Variants in SLC35F3 observed in about 807,000 individuals in gnomAD.
The protein encoded by SLC35F3 is solute carrier family 35 member F3.
A neutral mutation model predicts 49.9 loss-of-function variants in SLC35F3; 25 were observed. The observed-to-expected ratio is 0.50, with a 90% CI of 0.37 to 0.70. SLC35F3 has a LOEUF of 0.70. Ranked by LOEUF, SLC35F3 falls within the 30% of genes least tolerant of loss-of-function variation. SLC35F3 has a pLI of 0.00. For missense variants in SLC35F3, 525 were observed against 639.8 expected, an observed-to-expected ratio of 0.82 and a Z score of 1.94; for synonymous variants, 275 against 265.4, an observed-to-expected ratio of 1.04 and a Z score of -0.35.
At chr1:234,128,421 T>C (rs1263327270) in intron 2 of SLC35F3, among the ~76,000 whole-genome samples, 1 of 152,134 alleles carries the variant, frequency 6.6e-6, no homozygotes, top group East Asian at 1.9e-4. Flanking sequence ...CTGAAGAGTC[T>C]CTGGGTTAGA....
intron 2 of SLC35F3, among the ~76,000 whole-genome samples, chr1:234,188,758 AAAC>A (rs751602594): frequency 6.6e-6 from 1 of 152,062 alleles, no homozygotes; most frequent in African/African-American, 2.4e-5. Flanking sequence ...GAACTACAAT[AAAC>A]AACAATAATA....
chr1:234,134,671 A>G (rs1903018), intron 2 of SLC35F3, among the ~76,000 whole-genome samples: 17,995 of 152,082 alleles, frequency 0.12, 2,479 homozygotes, highest in East Asian at 0.74. Flanking sequence ...CCACTCAAGA[A>G]CAAGGGGATT....
intron 4 of SLC35F3, 36 bp from the exon 5 acceptor site, chr1:234,316,566 G>T: frequency 6.3e-7 from 1 of 1,583,262 alleles, no homozygotes; most frequent in South Asian, 1.1e-5. Context: ...ACTCCGTCCC[G>T]ACTTCCCTGA....
At chr1:234,172,593 C>G (rs1666415181) in intron 2 of SLC35F3, among the ~76,000 whole-genome samples, 1 of 152,210 alleles carries the variant, frequency 6.6e-6, no homozygotes, top group South Asian at 2.1e-4. Context: ...AAACGCATCT[C>G]TAGGCGACTT....
intron 2 of SLC35F3, among the ~76,000 whole-genome samples, chr1:234,208,221 C>T (rs1471737070): frequency 6.6e-6 from 1 of 152,132 alleles, no homozygotes; most frequent in Non-Finnish European, 1.5e-5. Flanking sequence ...TCAAGGGAAT[C>T]ATAAGTATCA....
At chr1:233,942,001 T>G (rs1183240631) in intron 2 of SLC35F3, among the ~76,000 whole-genome samples, 2 of 146,588 alleles carry the variant, frequency 1.4e-5, no homozygotes, top group Non-Finnish European at 3.0e-5. Context: ...TCACTCTGTC[T>G]CCAGGCTGGA....
At chr1:233,956,805 C>T (rs995910847) in intron 2 of SLC35F3, among the ~76,000 whole-genome samples, 3 of 152,230 alleles carry the variant, frequency 2.0e-5, no homozygotes, top group Non-Finnish European at 4.4e-5. Flanking sequence ...GTGAGAATGG[C>T]GGAGGCGGGT....
intron 2 of SLC35F3, among the ~76,000 whole-genome samples, chr1:234,162,052 A>C (rs927655722): frequency 3.3e-5 from 5 of 151,830 alleles, no homozygotes. Flanking sequence ...TCTAGGGCTC[A>C]CCCCTACCTC....
chr1:234,076,222 A>G (rs1390682649), intron 2 of SLC35F3, among the ~76,000 whole-genome samples: 2 of 148,190 alleles, frequency 1.3e-5, no homozygotes, highest in Non-Finnish European at 3.0e-5. Flanking sequence ...GGTGGTACCA[A>G]TACATTTTAA....
intron 2 of SLC35F3, among the ~76,000 whole-genome samples, chr1:234,152,298 A>G (rs1339523726): frequency 2.0e-5 from 3 of 151,770 alleles, no homozygotes; most frequent in Non-Finnish European, 2.9e-5. Flanking sequence ...GGTTTGTTAC[A>G]TAGGAATACA....
intron 2 of SLC35F3, among the ~76,000 whole-genome samples, chr1:234,171,503 G>T (rs961872973): frequency 1.5e-4 from 23 of 152,128 alleles, no homozygotes; most frequent in Non-Finnish European, 2.9e-4. Context: ...GATTTACCTG[G>T]ATAATTATTC....
In SLC35F3 at chr1:234,320,739, G is replaced by A. The variant is rs952124949; in HGVS notation, c.1237+552G>A. On this transcript the variant is annotated intron_variant, in intron 7 of 7. Transcript: ENST00000366618. The surrounding 1 kb of genome is among the most constrained non-coding windows in gnomAD (Gnocchi z 4.8). The stretch of plus-strand genomic sequence containing the variant: ...GAACGCCCTTTGCCCAGGAACTCGG[G>A]ACTGCCCTTTGTTTTCCCCTGGGGA... Among the ~76,000 whole-genome samples the A allele has an allele frequency of 6.6e-6, 1 of 152,168 alleles. No individual in the cohort carries two copies. Among genetic ancestry groups the A allele is most frequent in the Non-Finnish European group, 1.5e-5 (1 of 68,030 alleles).
At chr1:234,136,816 G>C (rs1021331182) in intron 2 of SLC35F3, among the ~76,000 whole-genome samples, 12 of 152,208 alleles carry the variant, frequency 7.9e-5, no homozygotes, top group African/African-American at 2.9e-4. Flanking sequence ...CACAGCTTAG[G>C]CTCGAACAGA....
At chr1:234,048,239 A>G (rs1183172553) in intron 2 of SLC35F3, among the ~76,000 whole-genome samples, 1 of 152,220 alleles carries the variant, frequency 6.6e-6, no homozygotes, top group African/African-American at 2.4e-5. Flanking sequence ...AAGCAAAAGG[A>G]AACCAGAACT....
intron 2 of SLC35F3, among the ~76,000 whole-genome samples, chr1:234,039,544 G>A (rs1870341): frequency 0.14 from 21,301 of 152,172 alleles, 4,266 homozygotes; most frequent in African/African-American, 0.45. Context: ...GGGAGGGCAC[G>A]GCTCCCAGAT....
At chr1:234,041,849 A>T (rs959106280) in intron 2 of SLC35F3, among the ~76,000 whole-genome samples, 2 of 152,140 alleles carry the variant, frequency 1.3e-5, no homozygotes, top group African/African-American at 2.4e-5. Context: ...AGATCCTTAG[A>T]TGGGTGGATG....
intron 2 of SLC35F3, among the ~76,000 whole-genome samples, chr1:234,191,646 G>A (rs1026006593): frequency 6.6e-6 from 1 of 151,692 alleles, no homozygotes; most frequent in Non-Finnish European, 1.5e-5. Context: ...AAATACGAAA[G>A]ACAAATGAAA....
At chr1:234,136,312 CTT>C (rs1162766140) in intron 2 of SLC35F3, among the ~76,000 whole-genome samples, 1 of 141,666 alleles carries the variant, frequency 7.1e-6, no homozygotes, top group Non-Finnish European at 1.5e-5. Flanking sequence ...TCCTTTCTCT[CTT>C]TCTTTTTCCT....
chr1:234,257,463 G>A (rs983730976), intron 3 of SLC35F3, among the ~76,000 whole-genome samples: 4 of 152,192 alleles, frequency 2.6e-5, no homozygotes, highest in South Asian at 4.2e-4. Flanking sequence ...TTTAAGATTT[G>A]CCATTTGCTT....
Sources: gnomAD v4.1 joint callset for allele counts (sites outside exome capture counted in the v4.1 genomes callset) on GRCh38, gnomAD v4.1.1 for gene constraint, Gnocchi (gnomAD v3.1) non-coding constraint, MANE v1.5 for transcripts, NCBI Gene and HGNC (gene_info 2026-07-23, HGNC 2026-07-21) for gene names.